Variants in POU6F2 observed in about 807,000 individuals in gnomAD.
The protein encoded by POU6F2 is POU domain, class 6, transcription factor 2.
In POU6F2, 31 loss-of-function variants were observed where a neutral mutation model predicts 71.3. The observed-to-expected ratio is 0.43, with a 90% CI of 0.33 to 0.59. The LOEUF (loss-of-function observed/expected upper bound fraction) is 0.59, where lower values mean the gene tolerates loss of function less well. Among genes scored for constraint, POU6F2 ranks in the 20% least tolerant of loss-of-function variants. The pLI, the probability that POU6F2 is intolerant of heterozygous loss-of-function variation, is 0.04. For missense variants in POU6F2, 783 were observed against 856.8 expected (o/e 0.91, Z 1.07); for synonymous variants, 347 against 355.7 (o/e 0.98, Z 0.27).
Position 39,001,674 on chromosome 7 carries a change from GTGATGGTGATGGTGA to G in POU6F2, c.105+23618_105+23632del, listed in dbSNP as rs763266819. Among the ~76,000 whole-genome samples, 197 of 151,878 alleles carry G rather than the reference GTGATGGTGATGGTGA, an allele frequency of 1.3e-3. 1 individual carries two copies. The highest frequency in any genetic ancestry group is 9.8e-3 in the South Asian group (47 of 4,800). On this transcript the variant is annotated intron_variant, in intron 1 of 9. Coordinates refer to ENST00000518318, the MANE Select transcript of POU6F2 (RefSeq NM_001370959.1). Reference sequence around the variant, plus strand: ...AATGGTGATAATGGTGGTGGTGATGGTGATGGTGATGGTGATATGATGTTGATGGTGATGTGATGA... The same window carrying G: ...AATGGTGATAATGGTGGTGGTGATGGTATGATGTTGATGGTGATGTGATGA...
At chr7:39,161,478 A>G (rs1792996215) in intron 2 of POU6F2, among the ~76,000 whole-genome samples, 1 of 152,178 alleles carries the variant, frequency 6.6e-6, no homozygotes, top group African/African-American at 2.4e-5. Flanking sequence ...TATGACAGAT[A>G]TGTTGGTGTA....
intron 1 of POU6F2, among the ~76,000 whole-genome samples, chr7:39,042,778 T>A (rs1273177553): frequency 6.6e-6 from 1 of 152,032 alleles, no homozygotes; most frequent in Non-Finnish European, 1.5e-5. Context: ...CCCATTGAGA[T>A]GCCTGTTTGT....
In POU6F2 at chr7:39,023,838, G is replaced by C. The variant is rs897513092; in HGVS notation, c.105+45780G>C. ...GCATTCTCTGCACTTTACAAATGGA[G>C]AAACTGAAGCCAGAAAGGAAAAAGG... On this transcript the variant is annotated intron_variant, in intron 1 of 9. Transcript: ENST00000518318. 3.3e-5 allele frequency among the ~76,000 whole-genome samples: 5 copies of C among 152,130 alleles called. No homozygotes were observed. The East Asian group carries it at 9.6e-4, about 29-fold the overall frequency.
chr7:39,010,203 C>T (rs1471098855), intron 1 of POU6F2, among the ~76,000 whole-genome samples: 4 of 136,922 alleles, frequency 2.9e-5, no homozygotes, highest in East Asian at 4.2e-4. Flanking sequence ...ATTTCAGATC[C>T]TGTTATTGGT....
chr7:39,263,480 G>A, intron 4 of POU6F2, among the ~76,000 whole-genome samples: 1 of 152,164 alleles, frequency 6.6e-6, no homozygotes, highest in East Asian at 1.9e-4. Context: ...TAAGATCAGA[G>A]GATTGTGTCT....
chr7:39,004,777 C>T (rs192151419), intron 1 of POU6F2, among the ~76,000 whole-genome samples: 4 of 152,230 alleles, frequency 2.6e-5, no homozygotes, highest in Admixed American at 2.6e-4. Flanking sequence ...ATCAGGGCTG[C>T]CAATTATTGG....
chr7:39,211,109 G>A (rs1024488265), intron 4 of POU6F2, among the ~76,000 whole-genome samples: 2 of 152,100 alleles, frequency 1.3e-5, no homozygotes, highest in African/African-American at 4.8e-5. Context: ...ATTTCGTCAT[G>A]AGGGCTCCAC....
chr7:39,431,219 T>A (rs1481319957), intron 6 of POU6F2, among the ~76,000 whole-genome samples: 1 of 152,146 alleles, frequency 6.6e-6, no homozygotes, highest in Non-Finnish European at 1.5e-5. Context: ...ACCTGAACTT[T>A]ATTGGCCTCC....
intron 4 of POU6F2, among the ~76,000 whole-genome samples, chr7:39,267,500 G>C (rs1279460817): frequency 6.6e-6 from 1 of 152,204 alleles, no homozygotes. Flanking sequence ...GGGCCAATTT[G>C]TGACAAACCT....
At chr7:39,449,776 TA>T (rs919582404) in intron 7 of POU6F2, among the ~76,000 whole-genome samples, 1 of 151,986 alleles carries the variant, frequency 6.6e-6, no homozygotes, top group East Asian at 1.9e-4. Context: ...ATTCAGCAAT[TA>T]AAAAAAACTG....
intron 2 of POU6F2, among the ~76,000 whole-genome samples, chr7:39,152,632 C>T (rs1002879950): frequency 3.3e-5 from 5 of 152,102 alleles, no homozygotes; most frequent in Non-Finnish European, 7.4e-5. Context: ...AAATCACTCC[C>T]TAGGTCCCCT....
chr7:39,307,688 A>G (rs1238804426), intron 4 of POU6F2, among the ~76,000 whole-genome samples: 2 of 152,236 alleles, frequency 1.3e-5, no homozygotes, highest in Non-Finnish European at 2.9e-5. Context: ...TAAAAGTTAC[A>G]AGATTTAGAC....
At chr7:39,409,772 C>A (rs1366661444) in intron 6 of POU6F2, among the ~76,000 whole-genome samples, 1 of 152,200 alleles carries the variant, frequency 6.6e-6, no homozygotes, top group Non-Finnish European at 1.5e-5. Context: ...GAAATCCCCC[C>A]TCCTGGGACT....
intron 2 of POU6F2, among the ~76,000 whole-genome samples, chr7:39,092,731 G>A (rs1193906140): frequency 6.6e-6 from 1 of 152,102 alleles, no homozygotes; most frequent in Non-Finnish European, 1.5e-5. Context: ...TTCATAAAAA[G>A]GAAACAAGGG....
intron 1 of POU6F2, among the ~76,000 whole-genome samples, chr7:38,989,912 G>A (rs1788562355): frequency 6.6e-6 from 1 of 151,452 alleles, no homozygotes; most frequent in South Asian, 2.1e-4. Context: ...AAATGCTGAT[G>A]GAGTCTGAAC....
intron 4 of POU6F2, among the ~76,000 whole-genome samples, chr7:39,234,918 G>A (rs1794646574): frequency 6.6e-6 from 1 of 152,080 alleles, no homozygotes; most frequent in African/African-American, 2.4e-5. Context: ...ATTCTCTTAG[G>A]CATTCCTCCC....
At chr7:39,219,657 C>T (rs893609831) in intron 4 of POU6F2, among the ~76,000 whole-genome samples, 3 of 152,112 alleles carry the variant, frequency 2.0e-5, no homozygotes, top group Admixed American at 2.0e-4. Flanking sequence ...CCACGTTAAC[C>T]TTTTACTTTG....
chr7:39,456,380 T>C (rs1366488394), intron 8 of POU6F2, among the ~76,000 whole-genome samples: 5 of 152,176 alleles, frequency 3.3e-5, no homozygotes, highest in Non-Finnish European at 5.9e-5. Context: ...TCACCTCTTA[T>C]TTCCCCTTTT....
intron 6 of POU6F2, among the ~76,000 whole-genome samples, chr7:39,431,838 T>G (rs1788108928): frequency 1.3e-5 from 2 of 152,200 alleles, no homozygotes. Flanking sequence ...GTAAAAACAC[T>G]TCCTGAGATC....
Sources: allele counts gnomAD v4.1 joint callset (sites outside exome capture counted in the v4.1 genomes callset), GRCh38; gene constraint gnomAD v4.1.1; transcripts MANE v1.5; gene names NCBI Gene and HGNC (gene_info 2026-07-23, HGNC 2026-07-21).